EIF4G3: variants seen among roughly 807,000 people sequenced by gnomAD.
The protein encoded by EIF4G3 is eIF-4-gamma 3.
EIF4G3 carries 34 observed loss-of-function variants against 186.4 expected under a neutral mutation model. The observed-to-expected ratio is 0.18, with a 90% CI of 0.14 to 0.24. The LOEUF (loss-of-function observed/expected upper bound fraction) is 0.24, where lower values mean the gene tolerates loss of function less well. EIF4G3 is among the 10% of genes least tolerant of loss of function. The probability of loss-of-function intolerance (pLI) is 1.00; values close to 1 mark genes in which losing one functional copy is unlikely to be tolerated. For missense variants in EIF4G3, 1,536 were observed against 1,948.5 expected (o/e 0.79, Z 3.99); for synonymous variants, 673 against 679.5 (o/e 0.99, Z 0.15).
intron 3 of EIF4G3, among the ~76,000 whole-genome samples, chr1:21,072,644 C>T (rs2095478548): frequency 6.6e-6 from 1 of 152,114 alleles, no homozygotes; most frequent in Admixed American, 6.5e-5. Context: ...CCTCGTGACC[C>T]GCCCGCCTCA....
At chr1:21,003,963 G>C (rs1411354527) in intron 4 of EIF4G3, 1 of 171,864 alleles carries the variant, frequency 5.8e-6, no homozygotes, top group Non-Finnish European at 1.2e-5. Flanking sequence ...ATGAAGGAAA[G>C]ACTAGGTACA....
intron 3 of EIF4G3, among the ~76,000 whole-genome samples, chr1:21,067,073 A>T (rs541571366): frequency 6.6e-6 from 1 of 152,016 alleles, no homozygotes; most frequent in Non-Finnish European, 1.5e-5. Context: ...TTTAAGGTTA[A>T]TCCTTCTTTT....
At chr1:21,116,762 C>T (rs1481545579) in intron 2 of EIF4G3, among the ~76,000 whole-genome samples, 1 of 151,246 alleles carries the variant, frequency 6.6e-6, no homozygotes, top group Non-Finnish European at 1.5e-5. Flanking sequence ...ACGCTTGAAC[C>T]CAGGAGGCGG....
intron 2 of EIF4G3, among the ~76,000 whole-genome samples, chr1:21,093,583 C>G (rs2096268438): frequency 6.6e-6 from 1 of 152,160 alleles, no homozygotes; most frequent in Non-Finnish European, 1.5e-5. Context: ...CCATTTGACC[C>G]AGGCATCCCA....
chr1:20,981,457 C>T (rs937571929), intron 8 of EIF4G3, among the ~76,000 whole-genome samples: 6 of 151,440 alleles, frequency 4.0e-5, no homozygotes, highest in Middle Eastern at 3.4e-3. Context: ...GGTTTCGACC[C>T]GACTGTATAT....
At chr1:21,117,669 C>A (rs1485353967) in intron 2 of EIF4G3, among the ~76,000 whole-genome samples, 1 of 142,700 alleles carries the variant, frequency 7.0e-6, no homozygotes, top group Non-Finnish European at 1.5e-5. Context: ...TATGGCTAAA[C>A]CCTGAGCATG....
chr1:21,114,724 T>A (rs917374239), intron 2 of EIF4G3, among the ~76,000 whole-genome samples: 2 of 152,106 alleles, frequency 1.3e-5, no homozygotes, highest in Non-Finnish European at 2.9e-5. Context: ...TAAAAAAAAT[T>A]TTTTTTGCTG....
intron 3 of EIF4G3, among the ~76,000 whole-genome samples, chr1:21,068,389 A>C (rs1204841597): frequency 6.7e-6 from 1 of 149,976 alleles, no homozygotes; most frequent in Non-Finnish European, 1.5e-5. Context: ...AAAAAAAAAA[A>C]AAAAAAAAAA....
intron 20 of EIF4G3, 27 bp downstream of exon 20, chr1:20,879,296 T>C: frequency 2.0e-6 from 3 of 1,535,760 alleles, no homozygotes; most frequent in Non-Finnish European, 2.6e-6. Context: ...TGAAGATTTC[T>C]CGTTTTACTC....
chr1:20,817,351 T>C, intron 34 of EIF4G3, 41 bp downstream of exon 34: 1 of 1,395,944 alleles, frequency 7.2e-7, no homozygotes, highest in South Asian at 2.0e-5. Context: ...ACAAGAATCT[T>C]TCCTGTAGAG....
At chr1:21,066,085 A>G (rs1162658012) in intron 3 of EIF4G3, among the ~76,000 whole-genome samples, 1 of 152,152 alleles carries the variant, frequency 6.6e-6, no homozygotes, top group Non-Finnish European at 1.5e-5. Flanking sequence ...AACTGAGCCC[A>G]GGAGGTCAAG....
intron 32 of EIF4G3, among the ~76,000 whole-genome samples, chr1:20,827,388 T>C (rs2063909367): frequency 6.6e-6 from 1 of 152,172 alleles, no homozygotes; most frequent in African/African-American, 2.4e-5. Flanking sequence ...AAAACATGAC[T>C]TGAGATTCTT....
intron 4 of EIF4G3, among the ~76,000 whole-genome samples, chr1:21,034,662 T>C (rs180883275): frequency 1.3e-5 from 2 of 152,378 alleles, no homozygotes; most frequent in African/African-American, 4.8e-5. Flanking sequence ...GCTGCTGACA[T>C]GGCACTGGCA....
intron 4 of EIF4G3, among the ~76,000 whole-genome samples, chr1:21,015,305 A>T (rs1253892722): frequency 1.3e-5 from 2 of 152,138 alleles, no homozygotes; most frequent in Non-Finnish European, 2.9e-5. Context: ...GCAAATCAAT[A>T]TTCACATTAC....
chr1:21,112,867 T>C (rs1349172330), intron 2 of EIF4G3, among the ~76,000 whole-genome samples: 1 of 152,122 alleles, frequency 6.6e-6, no homozygotes, highest in East Asian at 1.9e-4. Flanking sequence ...TCACTACTTA[T>C]CCAGTATCGT....
intron 12 of EIF4G3, among the ~76,000 whole-genome samples, chr1:20,958,833 A>G (rs1359150806): frequency 2.0e-5 from 3 of 152,168 alleles, no homozygotes; most frequent in Non-Finnish European, 4.4e-5. Context: ...ACCTAGGAAT[A>G]TACTTAACTA....
chr1:21,038,927 T>A (rs2154574757), intron 4 of EIF4G3, among the ~76,000 whole-genome samples: 1 of 152,236 alleles, frequency 6.6e-6, no homozygotes, highest in Middle Eastern at 3.4e-3. Context: ...AAAAACAAAT[T>A]TTGGGAAAAT....
intron 23 of EIF4G3, among the ~76,000 whole-genome samples, 169 bp downstream of exon 23, chr1:20,862,058 CT>C (rs2076487080): frequency 6.6e-6 from 1 of 152,172 alleles, no homozygotes; most frequent in South Asian, 2.1e-4. Flanking sequence ...GGCAATAGGC[CT>C]TTTGTCCCTT....
chr1:20,962,908 G>GTTTTTTTTT (rs66593105), intron 12 of EIF4G3, among the ~76,000 whole-genome samples: 1 of 139,182 alleles, frequency 7.2e-6, no homozygotes. Flanking sequence ...TTGTAGTTTT[G>GTTTTTTTTT]TTTTTTTTTT....
Sources: allele counts gnomAD v4.1 joint callset (sites outside exome capture counted in the v4.1 genomes callset), GRCh38; gene constraint gnomAD v4.1.1; transcripts MANE v1.5; gene names NCBI Gene and HGNC (gene_info 2026-07-23, HGNC 2026-07-21).